Variants in MAPT observed in about 807,000 individuals in gnomAD.
The protein encoded by MAPT is microtubule associated protein tau.
MAPT carries 34 observed loss-of-function variants against 67.9 expected under a neutral mutation model. That is an observed-to-expected ratio of 0.50 (90% CI 0.38 to 0.67). The LOEUF (loss-of-function observed/expected upper bound fraction) is 0.67, where lower values mean the gene tolerates loss of function less well. Ranked by LOEUF, MAPT falls within the 30% of genes least tolerant of loss-of-function variation. The probability of loss-of-function intolerance (pLI) is 0.00; values close to 1 mark genes in which losing one functional copy is unlikely to be tolerated. For synonymous variants in MAPT, 456 were observed against 464.5 expected (o/e 0.98, Z 0.23); for missense variants, 881 against 1,115.2 (o/e 0.79, Z 2.99).
rs182848876 is a variant in MAPT, at chr17:46,022,897, T to A, written c.2287-1059T>A. Among the ~76,000 whole-genome samples the A allele has an allele frequency of 1.5e-3, 235 of 152,190 alleles. 2 individuals are homozygous for A. The highest frequency in any genetic ancestry group is 2.2e-3 in the African/African-American group (93 of 41,468). On this transcript the variant is annotated intron_variant, in intron 12 of 12. Transcript: ENST00000262410. ...CTGGGCAAGTAGATAGGTAGATGAT[T>A]GATAGATAGATAGATAGATAAATAG...
chr17:46,005,036 G>A (rs144770898), intron 9 of MAPT, among the ~76,000 whole-genome samples: 2,328 of 152,230 alleles, frequency 0.015, 63 homozygotes, highest in African/African-American at 0.051. Context: ...TGCCTGCCTC[G>A]GCCTCCCAAA....
Position 46,028,022 on chromosome 17 carries a change from G to T in MAPT, c.*3851G>T. The T allele has an allele frequency of 6.4e-6, 1 of 156,054 alleles. No individual in the cohort carries two copies. The highest frequency in any genetic ancestry group is 2.1e-4 in the South Asian group (1 of 4,878). 9.7% of individuals were successfully genotyped at this position (156,054 alleles called of 1,614,324 possible). ...TGATCACCTGCGTGTCCCATCTACAGACCTGCAGCTTCATAAAACTTCTGA... is the reference window on the plus strand; with the variant it reads ...TGATCACCTGCGTGTCCCATCTACATACCTGCAGCTTCATAAAACTTCTGA... On this transcript the variant is annotated 3_prime_UTR_variant, in exon 13 of 13. Transcript: ENST00000262410.
chr17:46,025,407 C>T lies in MAPT; in HGVS notation c.*1236C>T, dbSNP rs865896148. 2.0e-5 allele frequency: 3 copies of T among 152,938 alleles called. No individual in the cohort carries two copies. In the Admixed American group the frequency reaches 2.0e-4, roughly 10 times the overall value. The allele number at this position is 152,938 out of a possible 1,614,324, so 9.5% of individuals were successfully genotyped here. ...TCACAATGTCCCGAATTCCCAGCCT[C>T]ACCACCCCTTCTCAGTAATGACCCT... On this transcript the variant is annotated 3_prime_UTR_variant, in exon 13 of 13. Transcript: ENST00000262410.
chr17:45,962,524 C>T (rs1224426257), intron 2 of MAPT, 54 bp downstream of exon 2: 13 of 1,605,560 alleles, frequency 8.1e-6, no homozygotes, highest in East Asian at 2.2e-5. Context: ...CAAGGGGTGG[C>T]GGGAACAGTT....
intron 2 of MAPT, among the ~76,000 whole-genome samples, chr17:45,965,140 T>C (rs1202293492): frequency 1.3e-5 from 2 of 152,010 alleles, no homozygotes; most frequent in Admixed American, 6.6e-5. Context: ...TGATTAATAG[T>C]GCTGCTTTCA....
intron 1 of MAPT, among the ~76,000 whole-genome samples, chr17:45,954,631 T>G (rs2069426171): frequency 6.6e-6 from 1 of 151,220 alleles, no homozygotes; most frequent in South Asian, 2.1e-4. Flanking sequence ...TCCAAATAAA[T>G]AAATAATGCA....
At chr17:45,919,908 G>A (rs1857991056) in intron 1 of MAPT, among the ~76,000 whole-genome samples, 1 of 152,172 alleles carries the variant, frequency 6.6e-6, no homozygotes, top group South Asian at 2.1e-4. Flanking sequence ...ATGAGATCCT[G>A]TCTCAAAACA....
intron 6 of MAPT, among the ~76,000 whole-genome samples, chr17:45,988,947 ATAGTG>A (rs143171488): frequency 0.034 from 5,123 of 151,810 alleles, 121 homozygotes; most frequent in East Asian, 0.075. Flanking sequence ...GATTCACCAG[ATAGTG>A]TTAATATTAG....
chr17:45,903,587 C>A (rs374170450), intron 1 of MAPT, among the ~76,000 whole-genome samples: 2 of 147,994 alleles, frequency 1.4e-5, no homozygotes, highest in Admixed American at 6.9e-5. Context: ...TGGTGGCGGG[C>A]GCCTGTAGTC....
intron 12 of MAPT, among the ~76,000 whole-genome samples, chr17:46,021,457 A>G (rs1001108878): frequency 6.6e-6 from 1 of 152,190 alleles, no homozygotes; most frequent in Non-Finnish European, 1.5e-5. Context: ...GCCTGGCCCC[A>G]TCCCCACAGT....
At chr17:45,970,659 C>T (rs768236422) in intron 2 of MAPT, among the ~76,000 whole-genome samples, 2 of 152,240 alleles carry the variant, frequency 1.3e-5, no homozygotes, top group Non-Finnish European at 2.9e-5. Flanking sequence ...GGTCATCTCA[C>T]GCATTTTACA....
chr17:45,987,580 G>A (rs879696487), intron 6 of MAPT, among the ~76,000 whole-genome samples: 4 of 152,210 alleles, frequency 2.6e-5, no homozygotes, highest in East Asian at 1.9e-4. Context: ...GCACAGTGGC[G>A]TTTTTCCTGG....
chr17:45,936,637 T>C (rs2144801332), intron 1 of MAPT, among the ~76,000 whole-genome samples: 1 of 152,342 alleles, frequency 6.6e-6, no homozygotes, highest in African/African-American at 2.4e-5. Flanking sequence ...TGGCCCCAGC[T>C]TGGCAATTTT....
At chr17:45,917,494 A>C (rs547487477) in intron 1 of MAPT, among the ~76,000 whole-genome samples, 37 of 152,342 alleles carry the variant, frequency 2.4e-4, no homozygotes, top group African/African-American at 8.9e-4. Flanking sequence ...TTAAAAACTA[A>C]TGCAAATTTT....
At position 45,996,622 on chromosome 17, in the gene MAPT, C is replaced by G. The variant is rs753776994; in HGVS notation, c.1956C>G (p.Ile652Met). 6.8e-6 allele frequency: 11 copies of G among 1,613,892 alleles called. No homozygotes were observed. The highest frequency in any genetic ancestry group is 1.1e-5 in the South Asian group (1 of 91,044). ...ACCTGAAGAATGTCAAGTCCAAGAT[C>G]GGCTCCACTGAGAACCTGAAGCACC... ...MPDLKNVKSKIGSTENLKHQP... is the reference protein window; with the variant it reads ...MPDLKNVKSKMGSTENLKHQP... The change falls in exon 9 of 13, where the codon ATC becomes ATG. Residue 652 changes from isoleucine (I) to methionine (M), a missense_variant. By Grantham distance (10) the Ile-to-Met change is conservative (BLOSUM62 1). Around this residue, in one of 6 missense-constraint regions of MAPT, gnomAD observed 45 missense variants for 43.2 expected, o/e 1.04. Transcript: ENST00000262410. The surrounding 1 kb of genome is among the most constrained non-coding windows in gnomAD (Gnocchi z 4.5).
rs1568258143 is a variant in MAPT, at chr17:45,972,198, A to G, written c.220+253A>G. On this transcript the variant is annotated intron_variant, in intron 3 of 12. Transcript: ENST00000262410. ...TGGACAGTCCCGCGCACAGCTCCAC[A>G]AAGCCCCGCTCCATACGATTGTCCT... The G allele has an allele frequency of 4.5e-6, 3 of 661,632 alleles. No homozygotes were observed. The East Asian group carries it at 8.9e-5, about 20-fold the overall frequency. 41.0% of individuals were successfully genotyped at this position (661,632 alleles called of 1,614,324 possible).
At chr17:45,935,930 T>C (rs2067279537) in intron 1 of MAPT, among the ~76,000 whole-genome samples, 1 of 152,198 alleles carries the variant, frequency 6.6e-6, no homozygotes, top group South Asian at 2.1e-4. Flanking sequence ...TCACAGACAC[T>C]TGGGGCTCAG....
At chr17:45,991,418 T>G in intron 7 of MAPT, 42 bp from the exon 8 acceptor site, 1 of 1,613,508 alleles carries the variant, frequency 6.2e-7, no homozygotes, top group Non-Finnish European at 8.5e-7. Context: ...GCAGTAACTT[T>G]TCCCAATGGT....
chr17:45,986,937 C>T lies in MAPT; in HGVS notation c.1352-103C>T, dbSNP rs114859001. On this transcript the variant is annotated intron_variant, in intron 5 of 12. Coordinates refer to ENST00000262410, the MANE Select transcript of MAPT (RefSeq NM_001377265.1). ...TGGGTTTCCACCAGACCCAACTAAA[C>T]AAACATGGACCTATCCCAGAGAAAT... 2,483 of 1,014,040 alleles carry T rather than the reference C, an allele frequency of 2.4e-3. 33 individuals are homozygous for T. The African/African-American group carries it at 0.035, about 14-fold the overall frequency. 62.8% of individuals were successfully genotyped at this position (1,014,040 alleles called of 1,614,324 possible).
Sources: gnomAD v4.1 joint callset for allele counts (sites outside exome capture counted in the v4.1 genomes callset) on GRCh38, gnomAD v4.1.1 for gene constraint, gnomAD v4.1.1 regional missense constraint, Gnocchi (gnomAD v3.1) non-coding constraint, MANE v1.5 for transcripts, NCBI Gene and HGNC (gene_info 2026-07-23, HGNC 2026-07-21) for gene names.